CLEC12A: variants seen among roughly 807,000 people sequenced by gnomAD.
CLEC12A encodes C-type lectin protein CLL-1.
A neutral mutation model predicts 26.5 loss-of-function variants in CLEC12A; 22 were observed. That is an observed-to-expected ratio of 0.83 (90% CI 0.59 to 1.19). CLEC12A has a LOEUF of 1.19. CLEC12A is among the 50% of genes most tolerant of loss of function. The pLI is 0.00. For synonymous variants in CLEC12A, 119 were observed against 101.9 expected (o/e 1.17, Z -1.01); for missense variants, 353 against 315.6 (o/e 1.12, Z -0.90).
chr12:9,961,729 T>C (rs1863832004), intron 1 of CLEC12A, among the ~76,000 whole-genome samples: 1 of 149,534 alleles, frequency 6.7e-6, no homozygotes, highest in Admixed American at 6.7e-5. Context: ...TAATAAAAAA[T>C]TATGAGACAA....
downstream of CLEC12A, chr12:9,997,217 A>C (rs534748167): frequency 1.2e-6 from 2 of 1,613,974 alleles, no homozygotes; most frequent in East Asian, 4.5e-5. Context: ...CGCTTTGCTA[A>C]TTGTTGCAGA....
chr12:9,965,437 C>G (rs1055859517), intron 1 of CLEC12A, among the ~76,000 whole-genome samples: 2 of 151,022 alleles, frequency 1.3e-5, no homozygotes, highest in Admixed American at 6.6e-5. Context: ...GTCTGTGAAG[C>G]CTTGCGGCAA....
At chr12:9,995,300 A>G in exon 5 of CLEC12A, 4 of 1,437,340 alleles carry the variant, frequency 2.8e-6, no homozygotes, top group Admixed American at 1.7e-5. Context: ...AGCTCTTGGT[A>G]TGATAGACAA....
chr12:10,002,503 C>T, the CLEC12A span, among the ~76,000 whole-genome samples: 3 of 144,788 alleles, frequency 2.1e-5, no homozygotes, highest in East Asian at 4.2e-4. Flanking sequence ...AGTGCAGTGG[C>T]GCGATCTCGG....
chr12:9,972,639 T>A (rs1864173677), intron 1 of CLEC12A, among the ~76,000 whole-genome samples: 3 of 152,186 alleles, frequency 2.0e-5, no homozygotes, highest in Admixed American at 2.0e-4. Flanking sequence ...CTCTCTCCTC[T>A]CCCCACACAG....
chr12:9,985,146 G>A lies in CLEC12A; in HGVS notation c.*120G>A. ...GTCTGAAGACCTGGGATTTTATCAT[G>A]CAGATGAAACATCCAGGTAGCAAGC... On this transcript the variant is annotated 3_prime_UTR_variant, in exon 6 of 6. Transcript: ENST00000304361. 1 of 1,138,698 alleles carries A rather than the reference G, an allele frequency of 8.8e-7. No individual in the cohort carries two copies. The highest frequency in any genetic ancestry group is 1.1e-6 in the Non-Finnish European group (1 of 871,436). 70.5% of individuals were successfully genotyped at this position (1,138,698 alleles called of 1,614,324 possible). A position where few individuals can be genotyped will look rare whatever the true frequency, so the allele number is the denominator to read the frequency against.
chr12:9,964,086 T>A (rs1355643634), intron 1 of CLEC12A, among the ~76,000 whole-genome samples: 1 of 152,194 alleles, frequency 6.6e-6, no homozygotes, highest in East Asian at 1.9e-4. Context: ...GCCACAGGAA[T>A]AGTAGTTTGT....
chr12:9,999,509 T>C (rs1865129860), downstream of CLEC12A, among the ~76,000 whole-genome samples: 1 of 152,224 alleles, frequency 6.6e-6, no homozygotes, highest in Non-Finnish European at 1.5e-5. Flanking sequence ...TGAAAATTCA[T>C]GGATATAGCT....
chr12:9,959,569 G>C (rs1486827490), intron 1 of CLEC12A, among the ~76,000 whole-genome samples: 3 of 152,082 alleles, frequency 2.0e-5, no homozygotes, highest in Non-Finnish European at 4.4e-5. Context: ...GTGTGGCCTA[G>C]AATGTTTAAT....
chr12:9,972,831 T>C (rs1470419869), intron 1 of CLEC12A, among the ~76,000 whole-genome samples: 1 of 152,150 alleles, frequency 6.6e-6, no homozygotes, highest in Non-Finnish European at 1.5e-5. Context: ...TTTACAATAT[T>C]TTCTGTCTTT....
At chr12:9,978,090 T>TA (rs1663284024) in intron 1 of CLEC12A, among the ~76,000 whole-genome samples, 1 of 152,142 alleles carries the variant, frequency 6.6e-6, no homozygotes, top group Non-Finnish European at 1.5e-5. Flanking sequence ...TTCACAATAT[T>TA]ATTGCACCAT....
At chr12:10,001,628 C>T in the CLEC12A span, among the ~76,000 whole-genome samples, 2 of 152,184 alleles carry the variant, frequency 1.3e-5, no homozygotes, top group African/African-American at 4.8e-5. Flanking sequence ...TTTGCTCCCT[C>T]CCCACATTCT....
intron 1 of CLEC12A, among the ~76,000 whole-genome samples, chr12:9,952,310 C>G (rs1432387023): frequency 1.3e-5 from 2 of 150,528 alleles, no homozygotes; most frequent in East Asian, 2.0e-4. Context: ...CTCAGCCTGC[C>G]GAGTGCCTGC....
intron 5 of CLEC12A, 69 bp from the exon 6 acceptor site, chr12:9,984,801 A>AT (rs1242959001): frequency 6.9e-4 from 894 of 1,299,280 alleles, no homozygotes; most frequent in South Asian, 1.6e-3. Flanking sequence ...TGGAAGTGTA[A>AT]TTTTTTTTTC....
the CLEC12A span, among the ~76,000 whole-genome samples, chr12:10,002,046 A>C: frequency 6.6e-6 from 1 of 151,022 alleles, no homozygotes; most frequent in Admixed American, 6.6e-5. Flanking sequence ...CGCCTGGCTA[A>C]TTTTTTTTGT....
rs770078888 is a variant in CLEC12A at position 9,979,319 on chromosome 12, A to T, written c.191-17A>T. The T allele has an allele frequency of 1.3e-6, 2 of 1,543,628 alleles. No homozygotes were observed. The highest frequency in any genetic ancestry group is 1.2e-5 in the South Asian group (1 of 84,324). On this transcript the variant is annotated splice_polypyrimidine_tract_variant and intron_variant, in intron 2 of 5. Transcript: ENST00000304361. ...TATTGAGAATTTACAATTTTTTGTC[A>T]TTTTTTTAATGTGGAGTTCACGTAA...
chr12:9,964,285 G>A (rs960848252), intron 1 of CLEC12A, among the ~76,000 whole-genome samples: 1 of 152,148 alleles, frequency 6.6e-6, no homozygotes, highest in Admixed American at 6.5e-5. Flanking sequence ...TGGAGGTGTA[G>A]GAGACAGGAG....
the CLEC12A span, among the ~76,000 whole-genome samples, chr12:10,002,411 T>C: frequency 6.6e-6 from 1 of 151,958 alleles, no homozygotes; most frequent in Admixed American, 6.6e-5. Flanking sequence ...TATGTGAACT[T>C]CTTTAAAAAA....
chr12:10,000,285 C>T (rs1334752326), downstream of CLEC12A, among the ~76,000 whole-genome samples: 1 of 152,124 alleles, frequency 6.6e-6, no homozygotes, highest in Non-Finnish European at 1.5e-5. Flanking sequence ...TGGCATAGCC[C>T]GTAGATTTTT....
Sources: allele counts gnomAD v4.1 joint callset (sites outside exome capture counted in the v4.1 genomes callset), GRCh38; gene constraint gnomAD v4.1.1; transcripts MANE v1.5; gene names NCBI Gene and HGNC (gene_info 2026-07-23, HGNC 2026-07-21).